GALNT1: variants seen among roughly 807,000 people sequenced by gnomAD.
The protein encoded by GALNT1 is polypeptide N-acetylgalactosaminyltransferase 1.
GALNT1 carries 17 observed loss-of-function variants against 65.7 expected under a neutral mutation model. That is an observed-to-expected ratio of 0.26 (90% CI 0.18 to 0.39). The LOEUF is 0.39. Among genes scored for constraint, GALNT1 ranks in the 10% least tolerant of loss-of-function variants. GALNT1 has a pLI of 1.00. For synonymous variants in GALNT1, 210 were observed against 219.7 expected (o/e 0.96, Z 0.39); for missense variants, 460 against 672.8 (o/e 0.68, Z 3.50).
chr18:35,708,502 A>G (rs1159052597), intron 11 of GALNT1, among the ~76,000 whole-genome samples: 2 of 152,230 alleles, frequency 1.3e-5, no homozygotes, highest in Admixed American at 6.5e-5. Context: ...ATGAAAATGA[A>G]ATGTTTCAGA....
At chr18:35,605,382 CA>C (rs1257500030) in intron 1 of GALNT1, among the ~76,000 whole-genome samples, 8 of 151,720 alleles carry the variant, frequency 5.3e-5, no homozygotes, top group African/African-American at 1.9e-4. Context: ...TCTGAAATCT[CA>C]GCTATTCAGG....
chr18:35,589,453 T>G (rs771072213), intron 1 of GALNT1, among the ~76,000 whole-genome samples: 48 of 152,222 alleles, frequency 3.2e-4, no homozygotes, highest in Non-Finnish European at 6.2e-4. Flanking sequence ...CTATCAGTTT[T>G]CTGTCTCAGT....
chr18:35,672,491 T>G (rs1362109888), intron 3 of GALNT1, among the ~76,000 whole-genome samples: 1 of 152,174 alleles, frequency 6.6e-6, no homozygotes, highest in South Asian at 2.1e-4. Context: ...TGCAGCTTTT[T>G]CACCACCTTT....
intron 1 of GALNT1, among the ~76,000 whole-genome samples, chr18:35,594,320 G>A (rs1470319570): frequency 6.6e-6 from 1 of 152,138 alleles, no homozygotes; most frequent in Non-Finnish European, 1.5e-5. Context: ...GGAGTGTGAG[G>A]TAAAAGTGAG....
intron 1 of GALNT1, among the ~76,000 whole-genome samples, chr18:35,634,983 A>G (rs1232688770): frequency 6.6e-6 from 1 of 152,232 alleles, no homozygotes; most frequent in Non-Finnish European, 1.5e-5. Context: ...TGAGAAAAGT[A>G]CATATTATGG....
intron 11 of GALNT1, among the ~76,000 whole-genome samples, chr18:35,705,307 A>G (rs914086129): frequency 1.6e-4 from 24 of 152,196 alleles, no homozygotes; most frequent in Non-Finnish European, 2.6e-4. Context: ...AACTCTGTCA[A>G]TCTTAATTAC....
chr18:35,625,452 A>G (rs1253093034), intron 1 of GALNT1, among the ~76,000 whole-genome samples: 2 of 152,248 alleles, frequency 1.3e-5, no homozygotes, highest in Non-Finnish European at 2.9e-5. Context: ...TGGCTAAGAT[A>G]TCAAGTAGAA....
intron 1 of GALNT1, among the ~76,000 whole-genome samples, chr18:35,641,052 C>T (rs1598792422): frequency 6.6e-6 from 1 of 152,182 alleles, no homozygotes; most frequent in East Asian, 1.9e-4. Flanking sequence ...TCTTGAACTT[C>T]TGGCCTCAAG....
At chr18:35,674,900 G>C (rs1218898004) in intron 3 of GALNT1, among the ~76,000 whole-genome samples, 1 of 148,884 alleles carries the variant, frequency 6.7e-6, no homozygotes. Flanking sequence ...GGAGAATGGC[G>C]TGAACCCGGG....
At chr18:35,620,308 C>T (rs1283630803) in intron 1 of GALNT1, among the ~76,000 whole-genome samples, 1 of 152,134 alleles carries the variant, frequency 6.6e-6, no homozygotes, top group Non-Finnish European at 1.5e-5. Context: ...AAAAATCTTT[C>T]CCATATTCCC....
chr18:35,625,339 G>A (rs775795631), intron 1 of GALNT1, among the ~76,000 whole-genome samples: 2 of 152,154 alleles, frequency 1.3e-5, no homozygotes, highest in Non-Finnish European at 2.9e-5. Context: ...CAATAAAGAA[G>A]ACTTCAAAGC....
intron 1 of GALNT1, among the ~76,000 whole-genome samples, chr18:35,637,844 C>CT: frequency 6.6e-6 from 1 of 152,266 alleles, no homozygotes; most frequent in African/African-American, 2.4e-5. Context: ...CAGCTAGTAA[C>CT]TTTAAGTTGA....
chr18:35,635,457 A>G (rs2144239703), intron 1 of GALNT1, among the ~76,000 whole-genome samples: 1 of 152,344 alleles, frequency 6.6e-6, no homozygotes, highest in South Asian at 2.1e-4. Flanking sequence ...ATACACAAAA[A>G]GATCATTAAC....
chr18:35,640,485 T>A (rs113201219), intron 1 of GALNT1, among the ~76,000 whole-genome samples: 1 of 152,204 alleles, frequency 6.6e-6, no homozygotes. Context: ...TTTTATAGAT[T>A]TAAAGATGCT....
At position 35,709,803 on chromosome 18, in the gene GALNT1, G is replaced by A; in HGVS notation, c.*33G>A. 3 of 1,611,406 alleles carry A rather than the reference G, an allele frequency of 1.9e-6. No individual in the cohort carries two copies. Among genetic ancestry groups the A allele is most frequent in the Non-Finnish European group, 2.5e-6 (3 of 1,178,540 alleles). On this transcript the variant is annotated 3_prime_UTR_variant, in exon 12 of 12. Coordinates refer to ENST00000269195, the MANE Select transcript of GALNT1 (RefSeq NM_020474.4). The stretch of plus-strand genomic sequence containing the variant: ...TTTACAAAAAAACGAAAAAAATAAG[G>A]ATTGACTGGGCTACCTCAGCATACA...
intron 1 of GALNT1, among the ~76,000 whole-genome samples, chr18:35,588,763 T>C (rs2143847806): frequency 6.6e-6 from 1 of 152,308 alleles, no homozygotes; most frequent in African/African-American, 2.4e-5. Context: ...TTTCTTCATA[T>C]CTTGTATTTC....
At chr18:35,663,507 T>C in intron 2 of GALNT1, 121 bp from the exon 3 acceptor site, 1 of 945,836 alleles carries the variant, frequency 1.1e-6, no homozygotes, top group Non-Finnish European at 1.6e-6. Flanking sequence ...TAGGAGAGGG[T>C]GGGCTCAGAA....
chr18:35,653,499 ATT>A (rs758261790), intron 1 of GALNT1, among the ~76,000 whole-genome samples: 263 of 152,312 alleles, frequency 1.7e-3, no homozygotes, highest in Non-Finnish European at 2.8e-3. Context: ...GGGCATCTGC[ATT>A]TGTAGCTTTC....
chr18:35,674,797 C>T (rs1362574416), intron 3 of GALNT1, among the ~76,000 whole-genome samples: 1 of 151,962 alleles, frequency 6.6e-6, no homozygotes, highest in Non-Finnish European at 1.5e-5. Context: ...TCCTGGCTAA[C>T]ACGGTGAAAC....
Sources: allele counts gnomAD v4.1 joint callset (sites outside exome capture counted in the v4.1 genomes callset), GRCh38; gene constraint gnomAD v4.1.1; transcripts MANE v1.5; gene names NCBI Gene and HGNC (gene_info 2026-07-23, HGNC 2026-07-21).